The following TMEFF1 variants were observed in gnomAD, a reference collection of about 807,000 sequenced individuals.
TMEFF1 encodes the protein transmembrane protein with EGF like and two follistatin like domains 1.
TMEFF1 carries 20 observed loss-of-function variants against 47.5 expected under a neutral mutation model. That is an observed-to-expected ratio of 0.42 (90% CI 0.30 to 0.61). TMEFF1 has a LOEUF of 0.61. TMEFF1 is among the 20% of genes least tolerant of loss of function. The probability of loss-of-function intolerance (pLI) is 0.19; values close to 1 mark genes in which losing one functional copy is unlikely to be tolerated. For synonymous variants in TMEFF1, 162 were observed against 166.3 expected (o/e 0.97, Z 0.20); for missense variants, 411 against 471.1 (o/e 0.87, Z 1.18).
At chr9:100,547,330 C>T (rs1243730701) in intron 5 of TMEFF1, among the ~76,000 whole-genome samples, 1 of 152,100 alleles carries the variant, frequency 6.6e-6, no homozygotes, top group Non-Finnish European at 1.5e-5. Flanking sequence ...TTATTACCTC[C>T]ATTTTACTGA....
intron 3 of TMEFF1, among the ~76,000 whole-genome samples, chr9:100,510,270 T>C (rs1268999938): frequency 6.6e-6 from 1 of 152,074 alleles, no homozygotes; most frequent in Non-Finnish European, 1.5e-5. Context: ...GTTATATGCG[T>C]GGTTATGAAG....
intron 1 of TMEFF1, among the ~76,000 whole-genome samples, chr9:100,484,790 A>G (rs376299903): frequency 2.0e-5 from 3 of 151,666 alleles, no homozygotes; most frequent in Admixed American, 6.6e-5. Context: ...CCCCGGTTCA[A>G]GAGATTCTCA....
intron 5 of TMEFF1, among the ~76,000 whole-genome samples, chr9:100,542,656 G>A (rs2118493804): frequency 6.6e-6 from 1 of 152,236 alleles, no homozygotes. Flanking sequence ...TTCGCTGAAG[G>A]TAATCTTTCT....
intron 1 of TMEFF1, among the ~76,000 whole-genome samples, chr9:100,487,624 G>A (rs1042558646): frequency 2.6e-5 from 4 of 152,074 alleles, no homozygotes; most frequent in African/African-American, 7.2e-5. Context: ...AAAATTTGTC[G>A]GGGTTTCTGG....
At chr9:100,496,204 G>A (rs1837646436) in intron 1 of TMEFF1, among the ~76,000 whole-genome samples, 1 of 152,182 alleles carries the variant, frequency 6.6e-6, no homozygotes, top group Admixed American at 6.5e-5. Context: ...AGAAGGGACT[G>A]TGCTCAGGAT....
chr9:100,513,390 TTTC>T, intron 4 of TMEFF1, 57 bp downstream of exon 4: 8 of 1,530,876 alleles, frequency 5.2e-6, no homozygotes, highest in South Asian at 1.3e-5. Context: ...TTTCTTTCTT[TTTC>T]TTTTTTTTTT....
intron 2 of TMEFF1, among the ~76,000 whole-genome samples, chr9:100,506,629 T>C (rs1475531871): frequency 6.6e-6 from 1 of 151,406 alleles, no homozygotes; most frequent in African/African-American, 2.4e-5. Context: ...TAGCCGGACG[T>C]GGTGGCGGGC....
chr9:100,548,838 G>A (rs558389411), intron 6 of TMEFF1, among the ~76,000 whole-genome samples: 5 of 152,280 alleles, frequency 3.3e-5, no homozygotes, highest in East Asian at 3.9e-4. Flanking sequence ...TTAGGTAGGA[G>A]TTGAGTGTGG....
intron 5 of TMEFF1, among the ~76,000 whole-genome samples, chr9:100,522,127 TC>T (rs1460224108): frequency 3.3e-5 from 5 of 152,210 alleles, no homozygotes; most frequent in African/African-American, 1.2e-4. Flanking sequence ...CTGCAATATA[TC>T]CTCCTTTCTG....
chr9:100,495,089 A>G (rs1054912707), intron 1 of TMEFF1, among the ~76,000 whole-genome samples: 9 of 152,028 alleles, frequency 5.9e-5, no homozygotes, highest in African/African-American at 9.7e-5. Flanking sequence ...TTCATATTTG[A>G]TTTTAATGAA....
At chr9:100,521,270 C>T (rs1838155423) in intron 5 of TMEFF1, among the ~76,000 whole-genome samples, 1 of 152,124 alleles carries the variant, frequency 6.6e-6, no homozygotes, top group Admixed American at 6.5e-5. Context: ...TCCCCCTCAC[C>T]CTTCCTTCCT....
intron 5 of TMEFF1, among the ~76,000 whole-genome samples, chr9:100,520,335 C>T (rs1306355898): frequency 6.6e-6 from 1 of 152,128 alleles, no homozygotes; most frequent in Non-Finnish European, 1.5e-5. Flanking sequence ...ACAAACAACC[C>T]AGAAAATCAA....
At chr9:100,497,875 C>T in intron 1 of TMEFF1, among the ~76,000 whole-genome samples, 1 of 151,504 alleles carries the variant, frequency 6.6e-6, no homozygotes, top group East Asian at 1.9e-4. Flanking sequence ...AGGACTCTCT[C>T]TGCTCCCAGA....
At chr9:100,479,809 T>G (rs1462283579) in intron 1 of TMEFF1, among the ~76,000 whole-genome samples, 1 of 152,258 alleles carries the variant, frequency 6.6e-6, no homozygotes, top group Non-Finnish European at 1.5e-5. Context: ...TTGGCTGTTA[T>G]GAATAATGCT....
At position 100,576,803 on chromosome 9, in the gene TMEFF1, T is replaced by G. The variant is rs1490626037; in HGVS notation, c.*203T>G. The G allele has an allele frequency of 9.8e-6, 5 of 510,322 alleles. No homozygotes were observed. Among genetic ancestry groups the G allele is most frequent in the African/African-American group, 3.9e-5 (2 of 50,886 alleles). The allele number at this position is 510,322 out of a possible 1,614,324, so 31.6% of individuals were successfully genotyped here. A position where few individuals can be genotyped will look rare whatever the true frequency, so the allele number is the denominator to read the frequency against. On this transcript the variant is annotated 3_prime_UTR_variant, in exon 10 of 10. Transcript: ENST00000374879. ...TATGTTTTTAAATACAGAAATTGCT[T>G]TCACAAATTTGTACCACATGGTAAT...
chr9:100,513,229 T>G, intron 3 of TMEFF1, 78 bp from the exon 4 acceptor site: 1 of 1,564,532 alleles, frequency 6.4e-7, no homozygotes, highest in Non-Finnish European at 8.6e-7. Context: ...GTTTTATTTT[T>G]GATAGGAAAT....
chr9:100,505,390 G>A (rs1314369331), intron 2 of TMEFF1, among the ~76,000 whole-genome samples: 2 of 112,798 alleles, frequency 1.8e-5, no homozygotes, highest in African/African-American at 7.0e-5. Flanking sequence ...CCAACCTGGC[G>A]ACAGACCTAG....
At chr9:100,549,568 C>G (rs1280669365) in intron 6 of TMEFF1, among the ~76,000 whole-genome samples, 1 of 152,172 alleles carries the variant, frequency 6.6e-6, no homozygotes. Context: ...TCGTTTGCCT[C>G]CTCCACTAGT....
intron 5 of TMEFF1, among the ~76,000 whole-genome samples, chr9:100,518,105 AG>A (rs1363901445): frequency 6.6e-6 from 1 of 152,180 alleles, no homozygotes; most frequent in African/African-American, 2.4e-5. Context: ...AAATTTAAAA[AG>A]ATGGAGGTCT....
Sources: allele counts gnomAD v4.1 joint callset (sites outside exome capture counted in the v4.1 genomes callset), GRCh38; gene constraint gnomAD v4.1.1; transcripts MANE v1.5; gene names NCBI Gene and HGNC (gene_info 2026-07-23, HGNC 2026-07-21).